The following ADRA1A variants were observed in gnomAD, a reference collection of about 807,000 sequenced individuals.
The protein encoded by ADRA1A is alpha-1A adrenergic receptor.
A neutral mutation model predicts 29.6 loss-of-function variants in ADRA1A; 31 were observed. The ratio of observed to expected loss-of-function variants is 1.05; its 90% confidence interval spans 0.79 to 1.41. The LOEUF is 1.41. Ranked by LOEUF, ADRA1A falls within the 40% of genes most tolerant of loss-of-function variation. The pLI, the probability that ADRA1A is intolerant of heterozygous loss-of-function variation, is 0.00. For synonymous variants in ADRA1A, 311 were observed against 254.3 expected (o/e 1.22, Z -2.12); for missense variants, 619 against 601.1 (o/e 1.03, Z -0.31).
intron 2 of ADRA1A, among the ~76,000 whole-genome samples, chr8:26,776,418 C>T (rs1806554012): frequency 6.6e-6 from 1 of 152,182 alleles, no homozygotes; most frequent in African/African-American, 2.4e-5. Context: ...TATGGTAAAC[C>T]CTACTTAGCT....
chr8:26,811,320 G>C (rs963504172), intron 2 of ADRA1A, among the ~76,000 whole-genome samples: 1 of 152,154 alleles, frequency 6.6e-6, no homozygotes, highest in African/African-American at 2.4e-5. Context: ...AGCCTCCTGA[G>C]TAGCTGGGAC....
chr8:26,781,412 A>C (rs1806970519), intron 2 of ADRA1A, among the ~76,000 whole-genome samples: 1 of 152,190 alleles, frequency 6.6e-6, no homozygotes, highest in African/African-American at 2.4e-5. Context: ...TTCTCAATGA[A>C]TGCTTTTGAG....
At chr8:26,843,491 GA>G (rs1279583968) in intron 2 of ADRA1A, among the ~76,000 whole-genome samples, 1 of 152,156 alleles carries the variant, frequency 6.6e-6, no homozygotes, top group Non-Finnish European at 1.5e-5. Flanking sequence ...GAGAGTGTAG[GA>G]TTGTCTATTT....
chr8:26,756,884 A>T, intron 2 of ADRA1A: 1 of 1,504,590 alleles, frequency 6.6e-7, no homozygotes, highest in South Asian at 1.3e-5. Context: ...TAGAGTAAGA[A>T]TTCTTACTCC....
In ADRA1A at chr8:26,805,767, A is replaced by G. The variant is rs575479379; in HGVS notation, c.884-35101T>C. Among the ~76,000 whole-genome samples, 1 of 152,332 alleles carries G rather than the reference A, an allele frequency of 6.6e-6. No homozygotes were observed. Among genetic ancestry groups the G allele is most frequent in the South Asian group, 2.1e-4 (1 of 4,830 alleles). ...CTGGTACAAGAATCTTGATGAGCCAAGAGTTACTGGAACTTCAGTAAGCTC... is the reference window on the plus strand; with the variant it reads ...CTGGTACAAGAATCTTGATGAGCCAGGAGTTACTGGAACTTCAGTAAGCTC... On this transcript the variant is annotated intron_variant, in intron 2 of 2. Transcript: ENST00000380573. This position sits in a 1 kb window ranked among gnomAD's most constrained non-coding sequence, Gnocchi z 4.8.
intron 2 of ADRA1A, among the ~76,000 whole-genome samples, chr8:26,751,182 G>C (rs1804913479): frequency 6.6e-6 from 1 of 152,094 alleles, no homozygotes; most frequent in South Asian, 2.1e-4. Context: ...CAGAAACCCA[G>C]AGCCCATCCC....
intron 2 of ADRA1A, among the ~76,000 whole-genome samples, chr8:26,809,132 C>A (rs1427222223): frequency 6.6e-6 from 1 of 152,212 alleles, no homozygotes; most frequent in African/African-American, 2.4e-5. Flanking sequence ...CTCTGCAATA[C>A]AATTTCAACG....
At chr8:26,779,560 G>A (rs61760543) in intron 2 of ADRA1A, 311 of 576,692 alleles carry the variant, frequency 5.4e-4, no homozygotes, top group Middle Eastern at 2.0e-3. Flanking sequence ...ATGAAGGAAC[G>A]TGGTGGAGAG....
chr8:26,864,955 C>G lies in ADRA1A; in HGVS notation c.15G>C (p.Ser5=), dbSNP rs1485470484. The part of the protein sequence containing the change: MVFL[S]GNASDSSNCT... ...AGTTGGAGCTGTCGGAAGCATTTCCCGAGAGAAACACCATGGTCCCAGCCG... is the reference window on the plus strand; with the variant it reads ...AGTTGGAGCTGTCGGAAGCATTTCCGGAGAGAAACACCATGGTCCCAGCCG... The change falls in exon 2 of 3, where the codon TCG becomes TCC. Residue 5 remains serine (S), a synonymous_variant. Coordinates refer to ENST00000380573, the MANE Select transcript of ADRA1A (RefSeq NM_000680.4). This position sits in a 1 kb window ranked among gnomAD's most constrained non-coding sequence, Gnocchi z 8.1. 5.0e-6 allele frequency: 8 copies of G among 1,606,262 alleles called. No individual in the cohort carries two copies. The highest frequency in any genetic ancestry group is 5.1e-6 in the Non-Finnish European group (6 of 1,177,972).
intron 2 of ADRA1A, among the ~76,000 whole-genome samples, chr8:26,790,695 C>G (rs1197311847): frequency 6.6e-6 from 1 of 151,942 alleles, no homozygotes; most frequent in Non-Finnish European, 1.5e-5. Context: ...TTATATATAT[C>G]AAAACATCAC....
chr8:26,773,925 AC>A (rs1354850750), intron 2 of ADRA1A, among the ~76,000 whole-genome samples: 1 of 152,116 alleles, frequency 6.6e-6, no homozygotes, highest in African/African-American at 2.4e-5. Flanking sequence ...CCCACTCAAA[AC>A]ACTCATTTCT....
At chr8:26,839,565 T>C (rs192329693) in intron 2 of ADRA1A, among the ~76,000 whole-genome samples, 1 of 152,306 alleles carries the variant, frequency 6.6e-6, no homozygotes, top group East Asian at 1.9e-4. Context: ...CATGCTAGTC[T>C]CCACCTTGAA....
At chr8:26,803,724 A>C (rs984824067) in intron 2 of ADRA1A, among the ~76,000 whole-genome samples, 3 of 152,170 alleles carry the variant, frequency 2.0e-5, no homozygotes, top group African/African-American at 7.2e-5. Context: ...CAACTCAATA[A>C]TTTTAAAAGT....
At chr8:26,759,590 C>T (rs1466075520) in intron 2 of ADRA1A, among the ~76,000 whole-genome samples, 2 of 152,160 alleles carry the variant, frequency 1.3e-5, no homozygotes, top group African/African-American at 4.8e-5. Flanking sequence ...CCACTGTCAC[C>T]TCTGTTATGA....
Position 26,815,168 on chromosome 8 carries a change from G to A in ADRA1A, c.884-44502C>T, listed in dbSNP as rs1043996643. Among the ~76,000 whole-genome samples, 38 of 152,156 alleles carry A rather than the reference G, an allele frequency of 2.5e-4. No individual in the cohort carries two copies. The highest frequency in any genetic ancestry group is 9.2e-4 in the African/African-American group (38 of 41,488). On this transcript the variant is annotated intron_variant, in intron 2 of 2. Coordinates refer to ENST00000380573, the MANE Select transcript of ADRA1A (RefSeq NM_000680.4). This position sits in a 1 kb window ranked among gnomAD's most constrained non-coding sequence, Gnocchi z 4.2. ...ACCAAATCCTCACCAAGACTTACTG[G>A]GTTAAATCTTGTGGTAAACTATAAT...
chr8:26,832,943 A>T (rs951274107), intron 2 of ADRA1A, among the ~76,000 whole-genome samples: 6 of 152,228 alleles, frequency 3.9e-5, no homozygotes, highest in African/African-American at 1.4e-4. Flanking sequence ...AGCCACCAGG[A>T]GTGAGACACA....
At position 26,866,486 on chromosome 8, in the gene ADRA1A, A is replaced by AT. The variant is rs112499330; in HGVS notation, c.-687+449dup. Among the ~76,000 whole-genome samples the AT allele has an allele frequency of 5.2e-4, 79 of 152,000 alleles. No homozygotes were observed. The highest frequency in any genetic ancestry group is 1.8e-3 in the African/African-American group (75 of 41,452). On this transcript the variant is annotated intron_variant, in intron 1 of 2. Coordinates refer to ENST00000380573, the MANE Select transcript of ADRA1A (RefSeq NM_000680.4). The surrounding 1 kb of genome is among the most constrained non-coding windows in gnomAD (Gnocchi z 5.7). ...TGCCAGCGGGCAGGGGCCGCCTTCGATTTTCTGGGCTGGGGGCCACCATCT... is the reference window on the plus strand; with the variant it reads ...TGCCAGCGGGCAGGGGCCGCCTTCGATTTTTCTGGGCTGGGGGCCACCATCT...
At chr8:26,764,229 G>A (rs1805655516), downstream of ADRA1A, among the ~76,000 whole-genome samples, 2 of 152,102 alleles carry the variant, frequency 1.3e-5, no homozygotes, top group Non-Finnish European at 2.9e-5. Flanking sequence ...GGACCTCTAC[G>A]TTCCTGAGGA....
intron 2 of ADRA1A, among the ~76,000 whole-genome samples, chr8:26,824,270 T>G (rs564911747): frequency 6.6e-6 from 1 of 151,952 alleles, no homozygotes; most frequent in African/African-American, 2.4e-5. Flanking sequence ...AAGTGACTCA[T>G]CCTGGGTAAC....
Sources: gnomAD v4.1 joint callset for allele counts (sites outside exome capture counted in the v4.1 genomes callset) on GRCh38, gnomAD v4.1.1 for gene constraint, Gnocchi (gnomAD v3.1) non-coding constraint, MANE v1.5 for transcripts, NCBI Gene and HGNC (gene_info 2026-07-23, HGNC 2026-07-21) for gene names.